MARCHF1: variants seen among roughly 807,000 people sequenced by gnomAD.
MARCHF1 encodes the protein membrane associated ring-CH-type finger 1, also known as E3 ubiquitin-protein ligase MARCHF1.
MARCHF1 carries 40 observed loss-of-function variants against 54.2 expected under a neutral mutation model. That is an observed-to-expected ratio of 0.74 (90% CI 0.57 to 0.96). The LOEUF is 0.96. Among genes scored for constraint, MARCHF1 ranks in the 40% least tolerant of loss-of-function variants. MARCHF1 has a pLI of 0.00. For synonymous variants in MARCHF1, 236 were observed against 236.3 expected (o/e 1.00, Z 0.01); for missense variants, 586 against 656.5 (o/e 0.89, Z 1.17).
At chr4:164,172,813 T>C (rs1403427455) in intron 1 of MARCHF1, among the ~76,000 whole-genome samples, 1 of 151,900 alleles carries the variant, frequency 6.6e-6, no homozygotes, top group Non-Finnish European at 1.5e-5. Context: ...CCGTCTGTAC[T>C]AAAAATACAA....
In MARCHF1 at chr4:163,612,904, TCA is replaced by T; in HGVS notation, c.375_376del (p.Arg127IlefsTer2). The T allele has an allele frequency of 6.5e-7, 1 of 1,535,504 alleles. No individual in the cohort carries two copies. Among genetic ancestry groups the T allele is most frequent in the Non-Finnish European group, 8.7e-7 (1 of 1,146,528 alleles). On this transcript the variant is annotated frameshift_variant, in exon 7 of 10. Transcript: ENST00000514618. LOFTEE classifies it high-confidence loss of function. ...TTCTTCTGCAGCATGCTCATATCTC[TCA>T]GAGGCTTTTCTCCTCCTCCTAGGTC...
At chr4:163,991,806 T>C (rs1311968812) in intron 2 of MARCHF1, among the ~76,000 whole-genome samples, 2 of 152,120 alleles carry the variant, frequency 1.3e-5, no homozygotes, top group Non-Finnish European at 2.9e-5. Flanking sequence ...ATGTCTAAAT[T>C]GTATTTGTTT....
intron 2 of MARCHF1, among the ~76,000 whole-genome samples, chr4:164,059,580 T>C (rs965424919): frequency 6.6e-6 from 1 of 152,222 alleles, no homozygotes; most frequent in Non-Finnish European, 1.5e-5. Context: ...AGCTTTTGTG[T>C]ATCATCAAAC....
At chr4:164,190,272 C>T (rs1396944298) in intron 1 of MARCHF1, 11 of 970,458 alleles carry the variant, frequency 1.1e-5, no homozygotes, top group Admixed American at 2.1e-5. Flanking sequence ...TATCAGCAAA[C>T]TCTATGGAAG....
intron 1 of MARCHF1, among the ~76,000 whole-genome samples, chr4:164,288,347 T>C (rs917265800): frequency 6.6e-6 from 1 of 152,096 alleles, no homozygotes; most frequent in African/African-American, 2.4e-5. Context: ...GGGAATCCAT[T>C]GAAATTAATT....
In MARCHF1 at chr4:163,529,060, A is replaced by G. The variant is rs1378333715; in HGVS notation, c.1340-14T>C. ...ATTCAAGGACACCTTTGAAATGAAA[A>G]AGAGAAAATGTTATCACCAAGTTGT... On this transcript the variant is annotated splice_polypyrimidine_tract_variant and intron_variant, in intron 9 of 9. Transcript: ENST00000514618. The G allele has an allele frequency of 5.1e-6, 8 of 1,583,112 alleles. No individual in the cohort carries two copies. Among genetic ancestry groups the G allele is most frequent in the Non-Finnish European group, 6.0e-6 (7 of 1,162,702 alleles).
intron 2 of MARCHF1, among the ~76,000 whole-genome samples, chr4:164,057,222 T>A (rs1349664518): frequency 1.3e-5 from 2 of 152,150 alleles, no homozygotes; most frequent in East Asian, 3.8e-4. Flanking sequence ...ATAATAATCA[T>A]AACAAATACT....
intron 2 of MARCHF1, among the ~76,000 whole-genome samples, chr4:164,046,458 A>G (rs955495644): frequency 1.3e-5 from 2 of 152,154 alleles, no homozygotes; most frequent in African/African-American, 4.8e-5. Context: ...TCCAATGATA[A>G]CCATTATTTT....
chr4:163,774,695 C>T (rs1747256270), intron 4 of MARCHF1, among the ~76,000 whole-genome samples: 1 of 152,044 alleles, frequency 6.6e-6, no homozygotes, highest in Non-Finnish European at 1.5e-5. Flanking sequence ...GGGGTTTTAT[C>T]ATGTTGGCCA....
chr4:164,098,202 C>A, intron 2 of MARCHF1, among the ~76,000 whole-genome samples: 1 of 152,080 alleles, frequency 6.6e-6, no homozygotes, highest in East Asian at 1.9e-4. Context: ...AATCATAAGG[C>A]CATGACATTA....
intron 1 of MARCHF1, among the ~76,000 whole-genome samples, chr4:164,336,980 G>C (rs1311394561): frequency 6.6e-6 from 1 of 151,528 alleles, no homozygotes. Context: ...AAGAAGAAAA[G>C]AAAGAAAGGA....
At chr4:163,702,839 C>T (rs767976240) in intron 4 of MARCHF1, among the ~76,000 whole-genome samples, 82 of 152,272 alleles carry the variant, frequency 5.4e-4, no homozygotes, top group Non-Finnish European at 9.7e-4. Flanking sequence ...CAAAGGTTAA[C>T]CTTTTTGCCA....
rs112080787 is a variant in MARCHF1, at chr4:163,855,549, G to A, written c.-38-1380C>T. Among the ~76,000 whole-genome samples the A allele has an allele frequency of 5.4e-3, 821 of 152,244 alleles. 6 individuals are homozygous for A. The highest frequency in any genetic ancestry group is 9.0e-3 in the Non-Finnish European group (613 of 68,004). ...TTCTTGAAGTGTGCTAAGAGTAAAT[G>A]AAAATGAGGATCTTTATTCAAAGGC... On this transcript the variant is annotated intron_variant, in intron 3 of 9. Transcript: ENST00000514618.
chr4:163,559,733 T>C (rs1739406608), intron 8 of MARCHF1, among the ~76,000 whole-genome samples: 1 of 152,232 alleles, frequency 6.6e-6, no homozygotes, highest in Admixed American at 6.5e-5. Flanking sequence ...CATCTGTCAC[T>C]TCAGTCTTTG....
intron 4 of MARCHF1, among the ~76,000 whole-genome samples, chr4:163,783,657 G>A (rs1040216835): frequency 6.6e-6 from 1 of 152,144 alleles, no homozygotes; most frequent in African/African-American, 2.4e-5. Flanking sequence ...TTATGAAGGA[G>A]GCATTTAAAA....
chr4:163,898,741 T>C (rs1278158323), intron 3 of MARCHF1, among the ~76,000 whole-genome samples: 1 of 152,198 alleles, frequency 6.6e-6, no homozygotes, highest in African/African-American at 2.4e-5. Flanking sequence ...CACTTGTATA[T>C]TCATTGCAGC....
chr4:164,010,587 A>G (rs1396233785), intron 2 of MARCHF1, among the ~76,000 whole-genome samples: 1 of 152,178 alleles, frequency 6.6e-6, no homozygotes, highest in Non-Finnish European at 1.5e-5. Context: ...TATACAAGGT[A>G]AATTATAAAA....
In MARCHF1 at chr4:164,103,207, G is replaced by A. The variant is rs1268250018; in HGVS notation, c.-248+8381C>T. ...CACTGTCAACATTAGACAGATCAAC[G>A]AGACAGAAAGTCAACAAGGATACCC... On this transcript the variant is annotated intron_variant, in intron 2 of 9. Transcript: ENST00000514618. Among the ~76,000 whole-genome samples, 535 of 69,598 alleles carry A rather than the reference G, an allele frequency of 7.7e-3. 3 individuals carry two copies. The highest frequency in any genetic ancestry group is 0.024 in the African/African-American group (509 of 21,534). The allele number at this position is 69,598 out of a possible 152,430, so 45.7% of individuals were successfully genotyped here.
chr4:163,948,999 C>A (rs1254560932), intron 3 of MARCHF1, among the ~76,000 whole-genome samples: 2 of 152,210 alleles, frequency 1.3e-5, no homozygotes, highest in Non-Finnish European at 2.9e-5. Context: ...TGTCATCTTT[C>A]CAGTGGGAAA....
Sources: allele counts gnomAD v4.1 joint callset (sites outside exome capture counted in the v4.1 genomes callset), GRCh38; gene constraint gnomAD v4.1.1; transcripts MANE v1.5; gene names NCBI Gene and HGNC (gene_info 2026-07-23, HGNC 2026-07-21).